INPP4A: variants seen among roughly 807,000 people sequenced by gnomAD.
The protein encoded by INPP4A is inositol polyphosphate-4-phosphatase, type I, 107kD.
INPP4A carries 33 observed loss-of-function variants against 119.8 expected under a neutral mutation model. The ratio of observed to expected loss-of-function variants is 0.28; its 90% CI spans 0.21 to 0.37. The LOEUF is 0.37. Ranked by LOEUF, INPP4A falls within the 10% of genes least tolerant of loss-of-function variation. The probability of loss-of-function intolerance (pLI) is 1.00; values close to 1 mark genes in which losing one functional copy is unlikely to be tolerated. For missense variants in INPP4A, 956 were observed against 1,289.9 expected (o/e 0.74, Z 3.97); for synonymous variants, 496 against 500.7 (o/e 0.99, Z 0.12).
intron 1 of INPP4A, among the ~76,000 whole-genome samples, chr2:98,498,851 T>C (rs1243637004): frequency 6.6e-6 from 1 of 152,138 alleles, no homozygotes; most frequent in Non-Finnish European, 1.5e-5. Flanking sequence ...AGCTAGAAGG[T>C]GACTGTAAGC....
chr2:98,502,797 C>T (rs1395729379), intron 1 of INPP4A, among the ~76,000 whole-genome samples: 1 of 152,152 alleles, frequency 6.6e-6, no homozygotes, highest in Admixed American at 6.5e-5. Context: ...CCAAGGAGAC[C>T]TAGCTCAAAG....
Position 98,458,586 on chromosome 2 carries a change from C to T in INPP4A, c.-166+13501C>T, listed in dbSNP as rs113172210. 5.9e-5 allele frequency among the ~76,000 whole-genome samples: 9 copies of T among 152,230 alleles called. No individual in the cohort carries two copies. In the East Asian group the frequency reaches 1.2e-3, roughly 20 times the overall value. On this transcript the variant is annotated intron_variant, in intron 1 of 24. Transcript: ENST00000409851. ...TATTTTACTTGAGGGAGCTGACCAC[C>T]GAACTTCATAGAAATGCCTTCCTGC...
intron 18 of INPP4A, among the ~76,000 whole-genome samples, 156 bp from the exon 19 acceptor site, chr2:98,564,484 G>A (rs1696062915): frequency 6.6e-6 from 1 of 152,192 alleles, no homozygotes; most frequent in Non-Finnish European, 1.5e-5. Flanking sequence ...GCCAGGGCAT[G>A]CCCCACCTGG....
intron 1 of INPP4A, among the ~76,000 whole-genome samples, chr2:98,500,614 C>G (rs1167847986): frequency 1.3e-5 from 2 of 152,222 alleles, no homozygotes; most frequent in East Asian, 3.9e-4. Flanking sequence ...AGTCTAGGAA[C>G]AGGGTAGGGG....
intron 1 of INPP4A, among the ~76,000 whole-genome samples, chr2:98,491,431 C>G (rs563880837): frequency 1.3e-5 from 2 of 152,336 alleles, no homozygotes; most frequent in East Asian, 3.9e-4. Flanking sequence ...TACTCATGCT[C>G]TCGTCTGGAT....
chr2:98,563,646 C>T lies in INPP4A; in HGVS notation c.2028+9C>T, dbSNP rs770669344. ...TGGTCTTCTGCCAGACGGTAGGCCC[C>T]GGGAGCACCCCGAGGGAGACCACGG... On this transcript the variant is annotated intron_variant, in intron 18 of 24. Coordinates refer to ENST00000409851, the MANE Select transcript of INPP4A (RefSeq NM_001134225.2). 24 of 1,611,568 alleles carry T rather than the reference C, an allele frequency of 1.5e-5. No individual in the cohort carries two copies. The highest frequency in any genetic ancestry group is 2.1e-4 in the Middle Eastern group (1 of 4,674).
chr2:98,495,479 T>C (rs1451614371), intron 1 of INPP4A, among the ~76,000 whole-genome samples: 1 of 152,220 alleles, frequency 6.6e-6, no homozygotes, highest in Non-Finnish European at 1.5e-5. Context: ...GAGCCAAATA[T>C]GAGTGACCAG....
intron 1 of INPP4A, among the ~76,000 whole-genome samples, chr2:98,506,479 GTGT>G (rs1684064084): frequency 6.6e-6 from 1 of 152,236 alleles, no homozygotes; most frequent in African/African-American, 2.4e-5. Flanking sequence ...TTTGCAAGCT[GTGT>G]TGTTGTTGCT....
intron 1 of INPP4A, among the ~76,000 whole-genome samples, chr2:98,513,040 A>G (rs1574845940): frequency 6.6e-6 from 1 of 152,206 alleles, no homozygotes; most frequent in African/African-American, 2.4e-5. Flanking sequence ...TTGAAAGAAA[A>G]AAAAATGGAA....
chr2:98,549,014 C>G (rs1175083158), intron 13 of INPP4A: 1 of 1,595,060 alleles, frequency 6.3e-7, no homozygotes, highest in African/African-American at 1.3e-5. Context: ...GGGTCTCGTC[C>G]TCATGCAGAG....
At position 98,587,948 on chromosome 2, in the gene INPP4A, G is replaced by A; in HGVS notation, c.*340G>A. 4.2e-6 allele frequency: 1 copy of A among 240,334 alleles called. No homozygotes were observed. The highest frequency in any genetic ancestry group is 8.1e-6 in the Non-Finnish European group (1 of 123,654). The allele number at this position is 240,334 out of a possible 1,614,324, so 14.9% of individuals were successfully genotyped here. ...GAAATGCTAGAAGACTTTTTCAAAT[G>A]CCTGCTTGCTCACTTACTTTTCTAC... On this transcript the variant is annotated 3_prime_UTR_variant, in exon 25 of 25. Coordinates refer to ENST00000409851, the MANE Select transcript of INPP4A (RefSeq NM_001134225.2).
intron 1 of INPP4A, among the ~76,000 whole-genome samples, chr2:98,460,492 C>CT (rs1352735677): frequency 6.6e-6 from 1 of 152,166 alleles, no homozygotes; most frequent in Non-Finnish European, 1.5e-5. Context: ...GGGTGTCAGA[C>CT]TTTTTTAAGA....
rs1417799179 is a variant in INPP4A, at chr2:98,512,469, C to G, written c.-165-6495C>G. 2.0e-5 allele frequency among the ~76,000 whole-genome samples: 3 copies of G among 152,208 alleles called. No homozygotes were observed. The East Asian group carries it at 5.8e-4, about 29-fold the overall frequency. On this transcript the variant is annotated intron_variant, in intron 1 of 24. Transcript: ENST00000409851. ...CTGGGTAGTTTGTAAAGAAAAGCAA[C>G]TTATTTCTTACAGTCTGGAGGCTGG...
At chr2:98,550,423 T>A (rs1211060143) in intron 13 of INPP4A, among the ~76,000 whole-genome samples, 2 of 152,202 alleles carry the variant, frequency 1.3e-5, no homozygotes, top group Admixed American at 6.5e-5. Flanking sequence ...AGAGTGACTG[T>A]TGCTCAGCAG....
chr2:98,451,293 C>T (rs982756908), intron 1 of INPP4A, among the ~76,000 whole-genome samples: 8 of 152,148 alleles, frequency 5.3e-5, no homozygotes, highest in Non-Finnish European at 7.4e-5. Flanking sequence ...GAAACTTGTT[C>T]AGTGAGGCTC....
Position 98,520,082 on chromosome 2 carries a change from G to T in INPP4A, c.34G>T (p.Ala12Ser), listed in dbSNP as rs1347650312. Residue 12 changes from alanine to serine, a missense_variant, in exon 3 of 25, where the codon GCC (alanine) becomes TCC (serine). By Grantham distance (99) the Ala-to-Ser change is moderately conservative. Around this residue, in one of 2 missense-constraint regions of INPP4A, gnomAD observed 652 missense variants for 797.9 expected, o/e 0.82. Transcript: ENST00000409851. Reference protein sequence around the residue: ...TAREHSPRHGARARAMQRAST... With the variant: ...TAREHSPRHGSRARAMQRAST... ...AAGAGAGCACAGCCCTCGCCATGGT[G>T]CCAGGGCCCGTGCAATGCAGCGGGC... is the stretch of plus-strand genomic sequence containing the variant. The T allele has an allele frequency of 5.7e-6, 9 of 1,582,938 alleles. 1 individual carries two copies. The South Asian group carries it at 1.0e-4, about 18-fold the overall frequency.
At chr2:98,579,333 G>T (rs1698938165) in intron 24 of INPP4A, among the ~76,000 whole-genome samples, 1 of 152,306 alleles carries the variant, frequency 6.6e-6, no homozygotes, top group East Asian at 1.9e-4. Context: ...TTACAGACGT[G>T]AGCCACCATG....
intron 17 of INPP4A, 28 bp downstream of exon 17, chr2:98,559,523 C>T (rs1175130240): frequency 6.2e-7 from 1 of 1,610,080 alleles, no homozygotes; most frequent in South Asian, 1.1e-5. Flanking sequence ...AAGGCTCCTG[C>T]TGATGCCCTT....
intron 1 of INPP4A, among the ~76,000 whole-genome samples, chr2:98,449,662 C>T (rs774531029): frequency 1.3e-5 from 2 of 152,174 alleles, no homozygotes; most frequent in African/African-American, 2.4e-5. Context: ...TATGTATTCT[C>T]GTTGCTACTG....
Sources: allele counts gnomAD v4.1 joint callset (sites outside exome capture counted in the v4.1 genomes callset), GRCh38; gene constraint gnomAD v4.1.1; regional missense constraint gnomAD v4.1.1; transcripts MANE v1.5; gene names NCBI Gene and HGNC (gene_info 2026-07-23, HGNC 2026-07-21).